The following TRIM67 variants were observed in gnomAD, a reference collection of about 807,000 sequenced individuals.
TRIM67 encodes tripartite motif-containing protein 67.
A neutral mutation model predicts 71.0 loss-of-function variants in TRIM67; 39 were observed. The ratio of observed to expected loss-of-function variants is 0.55; its 90% CI spans 0.43 to 0.72. The LOEUF (loss-of-function observed/expected upper bound fraction) is 0.72, where lower values mean the gene tolerates loss of function less well. Ranked by LOEUF, TRIM67 falls within the 30% of genes least tolerant of loss-of-function variation. The pLI is 0.00. For synonymous variants in TRIM67, 481 were observed against 473.9 expected, an observed-to-expected ratio of 1.01 and a Z score of -0.19; for missense variants, 973 against 1,079.2, an observed-to-expected ratio of 0.90 and a Z score of 1.38.
At chr1:231,203,405 G>C (rs991147390) in intron 5 of TRIM67, among the ~76,000 whole-genome samples, 21 of 152,350 alleles carry the variant, frequency 1.4e-4, no homozygotes, top group Admixed American at 3.9e-4. Context: ...CCAGTTCCAG[G>C]CATGAGCTGC....
intron 1 of TRIM67, among the ~76,000 whole-genome samples, chr1:231,173,355 A>G (rs1682661538): frequency 6.6e-6 from 1 of 152,212 alleles, no homozygotes; most frequent in African/African-American, 2.4e-5. Flanking sequence ...AAAACCAGCC[A>G]GGGTAACATA....
At chr1:231,170,285 CT>C (rs1313196105) in intron 1 of TRIM67, among the ~76,000 whole-genome samples, 1 of 152,120 alleles carries the variant, frequency 6.6e-6, no homozygotes, top group Non-Finnish European at 1.5e-5. Context: ...CGTGCCCAGT[CT>C]TTTTTTCTTT....
Position 231,163,145 on chromosome 1 carries a change from C to T in TRIM67, c.176C>T (p.Ala59Val), listed in dbSNP as rs1288327341. 1 of 1,513,292 alleles carries T rather than the reference C, an allele frequency of 6.6e-7. No homozygotes were observed. The highest frequency in any genetic ancestry group is 2.7e-5 in the East Asian group (1 of 37,392). The allele number at this position is 1,513,292 out of a possible 1,614,324, so 93.7% of individuals were successfully genotyped here. Residue 59 changes from alanine to valine, a missense_variant, in exon 1 of 10, where the codon GCG becomes GTG. Physicochemically the swap from Ala to Val is moderately conservative, Grantham distance 64 (BLOSUM62 0). Coordinates refer to ENST00000366653, the MANE Select transcript of TRIM67 (RefSeq NM_001004342.5). ...LLLSRGSGLQ[A>V]GAAAAASLEH... Reference sequence around the variant, plus strand: ...CTTTCCCGGGGATCGGGGCTGCAGGCGGGCGCCGCCGCCGCTGCCTCTCTG... The same window carrying T: ...CTTTCCCGGGGATCGGGGCTGCAGGTGGGCGCCGCCGCCGCTGCCTCTCTG...
At chr1:231,212,826 ATAG>A (rs1203189136) in intron 8 of TRIM67, among the ~76,000 whole-genome samples, 4 of 152,328 alleles carry the variant, frequency 2.6e-5, no homozygotes, top group African/African-American at 9.6e-5. Context: ...TACTTTTATT[ATAG>A]ATTCACTTCC....
intron 7 of TRIM67, 25 bp from the exon 8 acceptor site, chr1:231,208,922 C>A (rs781648331): frequency 5.2e-6 from 8 of 1,545,728 alleles, no homozygotes; most frequent in Non-Finnish European, 7.0e-6. Flanking sequence ...CCTGACCCTG[C>A]TCCTCTCACC....
chr1:231,199,487 AC>A (rs1377373138), intron 3 of TRIM67, among the ~76,000 whole-genome samples: 1 of 152,102 alleles, frequency 6.6e-6, no homozygotes, highest in Non-Finnish European at 1.5e-5. Context: ...ACTAGCCCTG[AC>A]CCTGTTCAGG....
At position 231,215,791 on chromosome 1, in the gene TRIM67, G is replaced by A. The variant is rs1330721307; in HGVS notation, c.*351G>A. 5.6e-6 allele frequency: 6 copies of A among 1,065,160 alleles called. No individual in the cohort carries two copies. The highest frequency in any genetic ancestry group is 5.3e-5 in the Admixed American group (1 of 18,702). 66.0% of individuals were successfully genotyped at this position (1,065,160 alleles called of 1,614,324 possible). Reference sequence around the variant, plus strand: ...TTCAAAGCTTGTCTTTTTTTGGAGGGAGAGGAAGGTAGACTTTGAGACTGG... The same window carrying A: ...TTCAAAGCTTGTCTTTTTTTGGAGGAAGAGGAAGGTAGACTTTGAGACTGG... On this transcript the variant is annotated 3_prime_UTR_variant, in exon 10 of 10. Transcript: ENST00000366653.
At chr1:231,191,770 CA>C (rs1683236545) in intron 1 of TRIM67, among the ~76,000 whole-genome samples, 1 of 152,210 alleles carries the variant, frequency 6.6e-6, no homozygotes, top group Non-Finnish European at 1.5e-5. Context: ...GGAATGACCA[CA>C]AGGCCATTTT....
chr1:231,187,940 C>A (rs2102735879), intron 1 of TRIM67, among the ~76,000 whole-genome samples: 1 of 152,290 alleles, frequency 6.6e-6, no homozygotes, highest in South Asian at 2.1e-4. Flanking sequence ...GATCTCCCTT[C>A]CTAGAGAAAA....
rs1684052091 is a variant in TRIM67, at chr1:231,217,739, T to G, written c.*2299T>G. On this transcript the variant is annotated 3_prime_UTR_variant, in exon 10 of 10. Transcript: ENST00000366653. The stretch of plus-strand genomic sequence containing the variant: ...CCAGGTCACCAGGTGGCCCCAGCTC[T>G]GCAGAAGAATCGCCCATCATTGGAG... The G allele has an allele frequency of 7.9e-7, 1 of 1,261,472 alleles. No homozygotes were observed. The highest frequency in any genetic ancestry group is 5.6e-5 in the East Asian group (1 of 17,760). The allele number at this position is 1,261,472 out of a possible 1,614,324, so 78.1% of individuals were successfully genotyped here.
rs1187218656 is a variant in TRIM67, at chr1:231,219,977, T to C, written c.*4537T>C. On this transcript the variant is annotated 3_prime_UTR_variant, in exon 10 of 10. Coordinates refer to ENST00000366653, the MANE Select transcript of TRIM67 (RefSeq NM_001004342.5). ...ACCTGGCTTTAATAGTGATTCATGGTATGAGTGGGGGCCAATCTCTTATCC... is the reference window on the plus strand; with the variant it reads ...ACCTGGCTTTAATAGTGATTCATGGCATGAGTGGGGGCCAATCTCTTATCC... 2.3e-6 allele frequency: 3 copies of C among 1,288,286 alleles called. No homozygotes were observed. The highest frequency in any genetic ancestry group is 3.0e-6 in the Non-Finnish European group (3 of 987,478). The allele number at this position is 1,288,286 out of a possible 1,614,324, so 79.8% of individuals were successfully genotyped here.
chr1:231,205,463 C>T (rs1683668396), intron 6 of TRIM67, among the ~76,000 whole-genome samples: 1 of 152,290 alleles, frequency 6.6e-6, no homozygotes, highest in South Asian at 2.1e-4. Context: ...CGGTGGCTCA[C>T]ACCCGTAATC....
intron 5 of TRIM67, 35 bp downstream of exon 5, chr1:231,201,552 T>A: frequency 1.9e-6 from 3 of 1,604,008 alleles, no homozygotes; most frequent in Non-Finnish European, 2.6e-6. Flanking sequence ...AGTCAGTGCT[T>A]CTTTCAAAAG....
chr1:231,189,928 A>C lies in TRIM67; in HGVS notation c.1045-7443A>C, dbSNP rs183569770. Among the ~76,000 whole-genome samples the C allele has an allele frequency of 3.7e-3, 564 of 152,352 alleles. 6 individuals are homozygous for C. Among genetic ancestry groups the C allele is most frequent in the Non-Finnish European group, 6.1e-3 (414 of 68,020 alleles). ...GACCTCTAGAAGCCAGAAAAGGCAC[A>C]GAAGAGGATTCTCCCTTAGAGCCTC... On this transcript the variant is annotated intron_variant, in intron 1 of 9. Transcript: ENST00000366653.
At chr1:231,193,503 G>GCTCTCTCTCTCTCTCT (rs3049035) in intron 1 of TRIM67, among the ~76,000 whole-genome samples, 1,346 of 81,936 alleles carry the variant, frequency 0.016, 149 homozygotes, top group African/African-American at 0.021. Flanking sequence ...TCTCTCTCAA[G>GCTCTCTCTCTCTCTCT]CTCTCTCTCT....
At position 231,201,696 on chromosome 1, in the gene TRIM67, G is replaced by A. The variant is rs139025382; in HGVS notation, c.1534+179G>A. 8.3e-3 allele frequency among the ~76,000 whole-genome samples: 1,271 copies of A among 152,354 alleles called. 12 individuals are homozygous for A. The highest frequency in any genetic ancestry group is 0.014 in the South Asian group (67 of 4,830). ...TCCCAGCTCAGCCCCTGACAGCCAT[G>A]TGAGCTGGGGTGAGAAGCACCAGTC... On this transcript the variant is annotated intron_variant, in intron 5 of 9. Transcript: ENST00000366653.
At chr1:231,186,081 T>C in intron 1 of TRIM67, 1 of 1,533,110 alleles carries the variant, frequency 6.5e-7, no homozygotes, top group South Asian at 1.2e-5. Flanking sequence ...CTCACCTCTC[T>C]CCTGATAGGC....
intron 1 of TRIM67, among the ~76,000 whole-genome samples, chr1:231,187,117 T>C (rs576052183): frequency 3.9e-5 from 6 of 152,276 alleles, no homozygotes; most frequent in Middle Eastern, 3.4e-3. Context: ...CGTAGCTGTG[T>C]TGTTGGATCC....
intron 1 of TRIM67, among the ~76,000 whole-genome samples, chr1:231,177,127 A>T (rs1273189548): frequency 6.6e-6 from 1 of 152,186 alleles, no homozygotes; most frequent in Admixed American, 6.5e-5. Context: ...ATGCACAAGA[A>T]ATCAAGAACA....
Sources: gnomAD v4.1 joint callset for allele counts (sites outside exome capture counted in the v4.1 genomes callset) on GRCh38, gnomAD v4.1.1 for gene constraint, MANE v1.5 for transcripts, NCBI Gene and HGNC (gene_info 2026-07-23, HGNC 2026-07-21) for gene names.